The following EXT2 variants were observed in gnomAD, a reference collection of about 807,000 sequenced individuals.
The protein encoded by EXT2 is exostosin-2.
In EXT2, 53 loss-of-function variants were observed where a neutral mutation model predicts 81.6. That is an observed-to-expected ratio of 0.65 (90% CI 0.52 to 0.82). EXT2 has a LOEUF of 0.82. EXT2 is among the 40% of genes least tolerant of loss of function. EXT2 has a pLI of 0.00. For missense variants in EXT2, 774 were observed against 910.2 expected (o/e 0.85, Z 1.93); for synonymous variants, 320 against 340.0 (o/e 0.94, Z 0.65).
chr11:44,138,343 G>A (rs1273055537), intron 7 of EXT2, among the ~76,000 whole-genome samples: 4 of 152,322 alleles, frequency 2.6e-5, no homozygotes, highest in East Asian at 1.9e-4. Flanking sequence ...CCCTTTCCTT[G>A]TATTTTACAA....
intron 10 of EXT2, among the ~76,000 whole-genome samples, chr11:44,209,002 C>T (rs1955616103): frequency 6.6e-6 from 1 of 152,202 alleles, no homozygotes. Flanking sequence ...ACCATTGGTG[C>T]TTTAGGGCCT....
intron 10 of EXT2, among the ~76,000 whole-genome samples, chr11:44,212,301 AAATAAAT>A (rs374555449): frequency 0.52 from 64,104 of 123,850 alleles, 15,170 homozygotes; most frequent in Middle Eastern, 0.61. Context: ...ATAAAAATAT[AAATAAAT>A]AAATAAATAA....
chr11:44,231,352 T>C (rs1317307777), intron 10 of EXT2, among the ~76,000 whole-genome samples: 2 of 152,160 alleles, frequency 1.3e-5, no homozygotes, highest in East Asian at 3.8e-4. Flanking sequence ...TGGAGAAGAT[T>C]GAGAGAATGA....
intron 1 of EXT2, among the ~76,000 whole-genome samples, chr11:44,106,015 C>T (rs1954049396): frequency 6.6e-6 from 1 of 152,172 alleles, no homozygotes; most frequent in Admixed American, 6.5e-5. Flanking sequence ...GGTTGCCTTC[C>T]ACTGGGAGCT....
rs377681529 is a variant in EXT2, at chr11:44,239,518, G to A, written c.2018+3143G>A. Among the ~76,000 whole-genome samples the A allele has an allele frequency of 1.1e-3, 164 of 149,148 alleles. 1 individual carries two copies. The highest frequency in any genetic ancestry group is 1.9e-3 in the Non-Finnish European group (129 of 67,576). ...AGTGATTCTCCTGCCTCCACCTCCC[G>A]AGCAGCTGGGACTACAGGCACGTGG... On this transcript the variant is annotated intron_variant, in intron 13 of 13. Coordinates refer to ENST00000533608, the MANE Select transcript of EXT2 (RefSeq NM_207122.2).
intron 1 of EXT2, among the ~76,000 whole-genome samples, chr11:44,102,836 G>A (rs1954005583): frequency 1.3e-5 from 2 of 151,700 alleles, no homozygotes; most frequent in East Asian, 1.9e-4. Context: ...TGCCTTTTTT[G>A]CCTTTTCTGT....
chr11:44,190,255 C>T (rs1158185269), intron 8 of EXT2, among the ~76,000 whole-genome samples: 1 of 152,208 alleles, frequency 6.6e-6, no homozygotes, highest in East Asian at 1.9e-4. Flanking sequence ...AGTGGAAACA[C>T]ATCATGCATA....
At chr11:44,180,408 TC>T (rs1258828465) in intron 8 of EXT2, among the ~76,000 whole-genome samples, 1 of 152,218 alleles carries the variant, frequency 6.6e-6, no homozygotes, top group Non-Finnish European at 1.5e-5. Flanking sequence ...TTGTTTTCTT[TC>T]TTGTACAGCT....
rs142604227 is a variant in EXT2 at position 44,156,868 on chromosome 11, A to T, written c.1174-14743A>T. On this transcript the variant is annotated intron_variant, in intron 7 of 13. Transcript: ENST00000533608. The stretch of plus-strand genomic sequence containing the variant: ...TTGTTTGTACCCATCCTTCTTAGGA[A>T]GGCTTTCTACGTATTCAAAGGAAAT... 8.3e-4 allele frequency among the ~76,000 whole-genome samples: 126 copies of T among 152,312 alleles called. 2 individuals are homozygous for T. The Middle Eastern group carries it at 0.017, about 21-fold the overall frequency.
At chr11:44,241,898 C>G (rs932891685) in intron 13 of EXT2, among the ~76,000 whole-genome samples, 1 of 152,222 alleles carries the variant, frequency 6.6e-6, no homozygotes, top group Non-Finnish European at 1.5e-5. Flanking sequence ...AGTTAAGGAC[C>G]TTGACCATTC....
intron 6 of EXT2, among the ~76,000 whole-genome samples, chr11:44,129,361 ACT>A (rs1954456214): frequency 6.6e-6 from 1 of 152,112 alleles, no homozygotes; most frequent in African/African-American, 2.4e-5. Flanking sequence ...CTTTGCTGTG[ACT>A]CTGTCTGTCC....
At chr11:44,209,104 A>G (rs548035126) in intron 10 of EXT2, among the ~76,000 whole-genome samples, 28 of 152,362 alleles carry the variant, frequency 1.8e-4, no homozygotes, top group African/African-American at 6.0e-4. Flanking sequence ...CTTACATAAA[A>G]TGGTAATGAC....
At chr11:44,211,805 T>C (rs1955651345) in intron 10 of EXT2, among the ~76,000 whole-genome samples, 1 of 152,090 alleles carries the variant, frequency 6.6e-6, no homozygotes, top group South Asian at 2.1e-4. Flanking sequence ...GTATGCAAGG[T>C]GATGGATTAG....
intron 10 of EXT2, among the ~76,000 whole-genome samples, chr11:44,221,595 G>A (rs1955782397): frequency 6.6e-6 from 1 of 152,178 alleles, no homozygotes; most frequent in Admixed American, 6.5e-5. Flanking sequence ...TTGGCTTATG[G>A]TTTTGGGATG....
Position 44,178,355 on chromosome 11 carries a change from C to T in EXT2, c.1305+6613C>T, listed in dbSNP as rs1400579053. Among the ~76,000 whole-genome samples, 7 of 152,234 alleles carry T rather than the reference C, an allele frequency of 4.6e-5. No homozygotes were observed. The Middle Eastern group carries it at 0.017, about 370-fold the overall frequency. ...GTGGGATTTCATTCACTGTGAGTGT[C>T]CTAACTCACTCCCTGGAGAAGGCTC... is the stretch of plus-strand genomic sequence containing the variant. On this transcript the variant is annotated intron_variant, in intron 8 of 13. Coordinates refer to ENST00000533608, the MANE Select transcript of EXT2 (RefSeq NM_207122.2).
At chr11:44,211,055 GC>G (rs1219206780) in intron 10 of EXT2, among the ~76,000 whole-genome samples, 1 of 152,170 alleles carries the variant, frequency 6.6e-6, no homozygotes, top group African/African-American at 2.4e-5. Flanking sequence ...TTTCAAACTT[GC>G]TATAAAGCTA....
rs573876272 is a variant in EXT2, at chr11:44,251,141, G to A, written c.*6854G>A. On this transcript the variant is annotated 3_prime_UTR_variant, in exon 14 of 14. Coordinates refer to ENST00000533608, the MANE Select transcript of EXT2 (RefSeq NM_207122.2). ...TATCTTACAACTTGGCCAAATGAGG[G>A]TTCCATTAACTCCATCTTGTCTAAT... is the stretch of plus-strand genomic sequence containing the variant. Among the ~76,000 whole-genome samples, 1 of 152,084 alleles carries A rather than the reference G, an allele frequency of 6.6e-6. No homozygotes were observed. The highest frequency in any genetic ancestry group is 1.5e-5 in the Non-Finnish European group (1 of 68,028).
intron 7 of EXT2, among the ~76,000 whole-genome samples, chr11:44,154,391 A>G (rs1325148871): frequency 1.3e-5 from 2 of 152,034 alleles, no homozygotes; most frequent in African/African-American, 2.4e-5. Context: ...GAACATGCCA[A>G]AGTTGTCTTT....
intron 7 of EXT2, among the ~76,000 whole-genome samples, chr11:44,142,301 G>C (rs1954656971): frequency 6.6e-6 from 1 of 152,132 alleles, no homozygotes; most frequent in Admixed American, 6.5e-5. Context: ...ATAATTCTGT[G>C]CTACTGTTCT....
Sources: allele counts gnomAD v4.1 joint callset (sites outside exome capture counted in the v4.1 genomes callset), GRCh38; gene constraint gnomAD v4.1.1; transcripts MANE v1.5; gene names NCBI Gene and HGNC (gene_info 2026-07-23, HGNC 2026-07-21).